Variants in CEP20 observed in about 807,000 individuals in gnomAD.
The protein encoded by CEP20 is FGFR1OP N-terminal like.
Under a neutral mutation model 20.0 loss-of-function variants are expected in CEP20, and 18 were observed. The observed-to-expected ratio is 0.90, with a 90% CI of 0.62 to 1.34. The LOEUF (loss-of-function observed/expected upper bound fraction) is 1.34. Ranked by LOEUF, CEP20 falls within the 40% of genes most tolerant of loss-of-function variation. The probability of loss-of-function intolerance (pLI) is 0.00; values close to 1 mark genes in which losing one functional copy is unlikely to be tolerated. For synonymous variants in CEP20, 77 were observed against 73.7 expected, an observed-to-expected ratio of 1.04 and a Z score of -0.23; for missense variants, 215 against 201.6, an observed-to-expected ratio of 1.07 and a Z score of -0.40.
At chr16:15,872,319 A>C (rs2151421738) in intron 4 of CEP20, among the ~76,000 whole-genome samples, 1 of 152,196 alleles carries the variant, frequency 6.6e-6, no homozygotes, top group South Asian at 2.1e-4. Context: ...GTCTCAAAAA[A>C]AAAAAAAAAT....
At chr16:15,888,442 G>A in intron 1 of CEP20, 116 bp downstream of exon 1, 1 of 1,377,458 alleles carries the variant, frequency 7.3e-7, no homozygotes, top group East Asian at 2.4e-5. Context: ...TCACACCGAA[G>A]AATGACGCCT....
At chr16:15,878,367 A>C (rs954568079) in intron 3 of CEP20, among the ~76,000 whole-genome samples, 1 of 152,240 alleles carries the variant, frequency 6.6e-6, no homozygotes, top group African/African-American at 2.4e-5. Flanking sequence ...CAGGGACTTC[A>C]CTATACACAC....
chr16:15,880,800 G>T (rs146724406), intron 2 of CEP20, among the ~76,000 whole-genome samples: 1,713 of 152,206 alleles, frequency 0.011, 36 homozygotes, highest in African/African-American at 0.036. Flanking sequence ...CCTGTTGGCA[G>T]AATTAGATTC....
intron 4 of CEP20, among the ~76,000 whole-genome samples, chr16:15,870,971 G>T (rs2044801385): frequency 6.6e-6 from 1 of 152,064 alleles, no homozygotes; most frequent in Non-Finnish European, 1.5e-5. Context: ...GTCCCGAAGG[G>T]GCTGGGCATG....
At chr16:15,886,668 TCA>T (rs1193431367) in intron 1 of CEP20, among the ~76,000 whole-genome samples, 1 of 152,116 alleles carries the variant, frequency 6.6e-6, no homozygotes, top group Non-Finnish European at 1.5e-5. Context: ...GCTCTACCTC[TCA>T]GAGATAGAAC....
chr16:15,880,724 T>C (rs1038236209), intron 2 of CEP20, among the ~76,000 whole-genome samples: 1 of 151,824 alleles, frequency 6.6e-6, no homozygotes, highest in Non-Finnish European at 1.5e-5. Context: ...GGCAAGCAAG[T>C]GAGGGAAGCT....
chr16:15,881,049 T>C (rs952708963), intron 2 of CEP20, among the ~76,000 whole-genome samples: 1 of 152,094 alleles, frequency 6.6e-6, no homozygotes. Context: ...AAATGGAGTA[T>C]GCTTGAATCA....
chr16:15,873,071 GTATT>G (rs1203394168), intron 4 of CEP20, among the ~76,000 whole-genome samples: 3 of 151,236 alleles, frequency 2.0e-5, no homozygotes, highest in Non-Finnish European at 4.4e-5. Context: ...GGAGTTTTCA[GTATT>G]TTTTTGTTTT....
intron 4 of CEP20, among the ~76,000 whole-genome samples, chr16:15,871,466 C>T (rs1385275998): frequency 6.6e-6 from 1 of 151,960 alleles, no homozygotes; most frequent in Non-Finnish European, 1.5e-5. Context: ...TGTACTTGCA[C>T]TATTAATGTT....
At chr16:15,870,111 G>A (rs2044777628) in intron 4 of CEP20, among the ~76,000 whole-genome samples, 1 of 152,092 alleles carries the variant, frequency 6.6e-6, no homozygotes, top group African/African-American at 2.4e-5. Flanking sequence ...TGGTGTATGC[G>A]TAATCTACCG....
rs1343070071 is a variant in CEP20, at chr16:15,884,010, G to A, written c.224C>T (p.Ala75Val). Residue 75 changes from alanine to valine, a missense_variant and splice_region_variant, in exon 2 of 5, where the codon GCA becomes GTA. Transcript: ENST00000255759. ...KYKYTASVLIAESGQPVVPLD... is the reference protein window; with the variant it reads ...KYKYTASVLIVESGQPVVPLD... ...TGTGATAAATAATAACCACTTACCT[G>A]CTATGAGGACAGATGCTGTATACTT... The A allele has an allele frequency of 6.2e-7, 1 of 1,608,084 alleles. No individual in the cohort carries two copies. The highest frequency in any genetic ancestry group is 1.1e-5 in the South Asian group (1 of 90,844).
intron 4 of CEP20, among the ~76,000 whole-genome samples, chr16:15,871,268 T>C (rs2044811133): frequency 6.6e-6 from 1 of 150,710 alleles, no homozygotes; most frequent in Admixed American, 6.6e-5. Flanking sequence ...ATTTAAATAA[T>C]AATAATAAAA....
At chr16:15,887,431 GGTTTT>G (rs1270695201) in intron 1 of CEP20, among the ~76,000 whole-genome samples, 2 of 152,192 alleles carry the variant, frequency 1.3e-5, no homozygotes, top group African/African-American at 4.8e-5. Context: ...AAGTGGAACT[GGTTTT>G]ATTTTTTGGA....
At position 15,873,544 on chromosome 16, in the gene CEP20, AGT is replaced by A; in HGVS notation, c.393_394del (p.Leu132SerfsTer12). On this transcript the variant is annotated frameshift_variant, in exon 4 of 5. Transcript: ENST00000255759. LOFTEE classifies it high-confidence loss of function. ...GCCAAGACTTGGGTCTGAAGGCTGAAGTGAAGGCCCTTTCAGAAATGCATTCT... is the reference window on the plus strand; with the variant it reads ...GCCAAGACTTGGGTCTGAAGGCTGAAGAAGGCCCTTTCAGAAATGCATTCT... 1.2e-6 allele frequency: 2 copies of A among 1,614,114 alleles called. No homozygotes were observed. The highest frequency in any genetic ancestry group is 1.7e-6 in the Non-Finnish European group (2 of 1,179,978).
intron 4 of CEP20, among the ~76,000 whole-genome samples, chr16:15,873,043 A>G (rs1191281008): frequency 2.0e-5 from 3 of 151,952 alleles, no homozygotes; most frequent in Non-Finnish European, 4.4e-5. Context: ...CCAAATACTT[A>G]CAATTTACAT....
chr16:15,865,744 TG>T lies in CEP20; in HGVS notation c.*1695del, dbSNP rs1367353909. 1.3e-5 allele frequency: 2 copies of T among 152,306 alleles called. No homozygotes were observed. Among genetic ancestry groups the T allele is most frequent in the African/African-American group, 4.8e-5 (2 of 41,568 alleles). 9.4% of individuals were successfully genotyped at this position (152,306 alleles called of 1,614,324 possible). ...TGACTTGCTTATTTTTTTTATTAAA[TG>T]ATACATTGAAAGTATAAAAAGTTGC... On this transcript the variant is annotated 3_prime_UTR_variant, in exon 5 of 5. Transcript: ENST00000255759.
intron 2 of CEP20, among the ~76,000 whole-genome samples, chr16:15,883,704 TA>T (rs1321546236): frequency 6.6e-6 from 1 of 152,174 alleles, no homozygotes; most frequent in Non-Finnish European, 1.5e-5. Flanking sequence ...CGTATATTTT[TA>T]AAGCTTAATA....
rs1156980981 is a variant in CEP20, at chr16:15,879,789, A to T, written c.311+15T>A. 3.3e-6 allele frequency: 5 copies of T among 1,500,468 alleles called. No homozygotes were observed. In the South Asian group the frequency reaches 3.6e-5, roughly 11 times the overall value. The allele number at this position is 1,500,468 out of a possible 1,614,324, so 92.9% of individuals were successfully genotyped here. On this transcript the variant is annotated intron_variant, in intron 3 of 4. Coordinates refer to ENST00000255759, the MANE Select transcript of CEP20 (RefSeq NM_144600.4). ...CAATACAATATGTGGAAACTTCTTTAAAAAAATGTCTTACATTGTATTATC... is the reference window on the plus strand; with the variant it reads ...CAATACAATATGTGGAAACTTCTTTTAAAAAATGTCTTACATTGTATTATC...
At chr16:15,883,190 C>T (rs1203114173) in intron 2 of CEP20, 6 of 152,078 alleles carry the variant, frequency 3.9e-5, no homozygotes, top group Non-Finnish European at 7.3e-5. Context: ...AGTGAGAGCT[C>T]ATCTCTATAA....
Sources: allele counts gnomAD v4.1 joint callset (sites outside exome capture counted in the v4.1 genomes callset), GRCh38; gene constraint gnomAD v4.1.1; transcripts MANE v1.5; gene names NCBI Gene and HGNC (gene_info 2026-07-23, HGNC 2026-07-21).